Variants in GPC5 observed in about 807,000 individuals in gnomAD.
GPC5 encodes the protein glypican 5.
Under a neutral mutation model 53.9 loss-of-function variants are expected in GPC5, and 47 were observed. The observed-to-expected ratio is 0.87, with a 90% CI of 0.69 to 1.11. The LOEUF is 1.11. Ranked by LOEUF, GPC5 falls within the 50% of genes most tolerant of loss-of-function variation. The pLI, the probability that GPC5 is intolerant of heterozygous loss-of-function variation, is 0.00. For synonymous variants in GPC5, 286 were observed against 263.3 expected, an observed-to-expected ratio of 1.09 and a Z score of -0.84; for missense variants, 748 against 713.1, an observed-to-expected ratio of 1.05 and a Z score of -0.56.
intron 7 of GPC5, among the ~76,000 whole-genome samples, chr13:92,861,266 A>G (rs961702805): frequency 1.3e-5 from 2 of 152,150 alleles, no homozygotes; most frequent in African/African-American, 4.8e-5. Context: ...ATATGTGCAC[A>G]TACTCTTCAT....
intron 6 of GPC5, among the ~76,000 whole-genome samples, chr13:92,069,741 CT>C (rs2041196076): frequency 1.3e-5 from 2 of 152,044 alleles, no homozygotes; most frequent in Admixed American, 1.3e-4. Context: ...TTTCTTCAGC[CT>C]TGACTTTTAT....
chr13:92,774,666 T>C (rs951096662), intron 7 of GPC5, among the ~76,000 whole-genome samples: 6 of 152,122 alleles, frequency 3.9e-5, no homozygotes, highest in African/African-American at 1.4e-4. Flanking sequence ...CTAGTCCAAT[T>C]CAGCACAGAA....
chr13:91,855,737 AT>A (rs929806730), intron 5 of GPC5, among the ~76,000 whole-genome samples: 1 of 151,626 alleles, frequency 6.6e-6, no homozygotes, highest in African/African-American at 2.4e-5. Flanking sequence ...CAGATCTCTG[AT>A]GCCTGCATGA....
At chr13:91,473,044 C>A (rs1013842090) in intron 2 of GPC5, among the ~76,000 whole-genome samples, 1 of 152,012 alleles carries the variant, frequency 6.6e-6, no homozygotes, top group South Asian at 2.1e-4. Flanking sequence ...AGGAAACTTA[C>A]GATCATGACA....
intron 5 of GPC5, among the ~76,000 whole-genome samples, chr13:91,792,296 C>T (rs1157686669): frequency 6.6e-6 from 1 of 152,174 alleles, no homozygotes; most frequent in Non-Finnish European, 1.5e-5. Context: ...CACATGTTAA[C>T]TATGACTATT....
At chr13:91,890,477 T>C (rs139269260) in intron 5 of GPC5, among the ~76,000 whole-genome samples, 3 of 152,220 alleles carry the variant, frequency 2.0e-5, no homozygotes, top group Non-Finnish European at 2.9e-5. Flanking sequence ...TGATCTCACA[T>C]TGGGGGCAGT....
intron 3 of GPC5, among the ~76,000 whole-genome samples, chr13:91,718,174 G>C (rs967248219): frequency 1.3e-5 from 2 of 151,740 alleles, no homozygotes; most frequent in African/African-American, 4.8e-5. Context: ...GCAGTGGCGC[G>C]ATCTCGGCTC....
intron 7 of GPC5, among the ~76,000 whole-genome samples, chr13:92,346,857 T>A (rs898343786): frequency 7.9e-5 from 12 of 152,058 alleles, no homozygotes; most frequent in South Asian, 2.1e-4. Context: ...GAAACAATTT[T>A]AAAAAATAGA....
chr13:92,206,155 A>ATTTTTTGTTTTTTTTTTT (rs1566484645), intron 7 of GPC5, among the ~76,000 whole-genome samples: 1 of 54,926 alleles, frequency 1.8e-5, no homozygotes, highest in African/African-American at 9.3e-5. Flanking sequence ...TGTTTTTTTT[A>ATTTTTTGTTTTTTTTTTT]TTTTTTTTTT....
chr13:91,589,615 A>G (rs925058741), intron 2 of GPC5, among the ~76,000 whole-genome samples: 8 of 152,156 alleles, frequency 5.3e-5, no homozygotes, highest in African/African-American at 1.9e-4. Flanking sequence ...TCCCCCAATG[A>G]GCAAAAAGTT....
chr13:92,105,693 G>GA lies in GPC5; in HGVS notation c.1402-39130dup, dbSNP rs534590327. Among the ~76,000 whole-genome samples, 16 of 151,822 alleles carry GA rather than the reference G, an allele frequency of 1.1e-4. No homozygotes were observed. The South Asian group carries it at 1.9e-3, about 18-fold the overall frequency. ...ATGGTTTACTGATGTCAACAAAAGT[G>GA]AAAAAAATTATATTGAAGTATAAAT... On this transcript the variant is annotated intron_variant, in intron 6 of 7. Coordinates refer to ENST00000377067, the MANE Select transcript of GPC5 (RefSeq NM_004466.6).
At chr13:92,463,275 C>G (rs1388738437) in intron 7 of GPC5, among the ~76,000 whole-genome samples, 3 of 152,210 alleles carry the variant, frequency 2.0e-5, no homozygotes, top group Non-Finnish European at 4.4e-5. Context: ...GGCTCTGATG[C>G]AGTTTCTGCA....
intron 7 of GPC5, among the ~76,000 whole-genome samples, chr13:92,265,443 A>G (rs2042796367): frequency 6.6e-6 from 1 of 152,152 alleles, no homozygotes; most frequent in Admixed American, 6.6e-5. Context: ...ACTTTGTAAC[A>G]AAAATGGTCT....
chr13:92,605,714 C>G (rs1037506650), intron 7 of GPC5, among the ~76,000 whole-genome samples: 2 of 151,856 alleles, frequency 1.3e-5, no homozygotes, highest in Non-Finnish European at 2.9e-5. Flanking sequence ...CTCAGCCTCC[C>G]GAGTAGCTGG....
chr13:92,296,527 T>A (rs2043035677), intron 7 of GPC5, among the ~76,000 whole-genome samples: 1 of 152,140 alleles, frequency 6.6e-6, no homozygotes. Context: ...CCTCGCTTGC[T>A]CTCAGCACCA....
At chr13:92,058,627 C>G (rs779862907) in intron 6 of GPC5, among the ~76,000 whole-genome samples, 16 of 152,172 alleles carry the variant, frequency 1.1e-4, no homozygotes, top group Non-Finnish European at 1.8e-4. Flanking sequence ...ACTGCAACCA[C>G]CACCTCCTCG....
At chr13:92,088,265 C>G (rs926422667) in intron 6 of GPC5, among the ~76,000 whole-genome samples, 1 of 152,058 alleles carries the variant, frequency 6.6e-6, no homozygotes, top group East Asian at 1.9e-4. Flanking sequence ...TTTTGAAGAA[C>G]GGTGTCATTC....
intron 2 of GPC5, among the ~76,000 whole-genome samples, chr13:91,666,393 A>G (rs571400406): frequency 1.3e-5 from 2 of 152,330 alleles, no homozygotes; most frequent in African/African-American, 4.8e-5. Flanking sequence ...AGATTTATTG[A>G]TCTAGTCTTA....
At chr13:91,461,190 G>A (rs1329789038) in intron 2 of GPC5, among the ~76,000 whole-genome samples, 1 of 152,104 alleles carries the variant, frequency 6.6e-6, no homozygotes, top group African/African-American at 2.4e-5. Context: ...CACCTTAAAG[G>A]ATATTGTTTT....
Sources: allele counts gnomAD v4.1 joint callset (sites outside exome capture counted in the v4.1 genomes callset), GRCh38; gene constraint gnomAD v4.1.1; transcripts MANE v1.5; gene names NCBI Gene and HGNC (gene_info 2026-07-23, HGNC 2026-07-21).